IRAK1BP1: variants seen among roughly 807,000 people sequenced by gnomAD.
IRAK1BP1 encodes the protein interleukin 1 receptor associated kinase 1 binding protein 1.
IRAK1BP1 carries 24 observed loss-of-function variants against 28.0 expected under a neutral mutation model. The observed-to-expected ratio is 0.86, with a 90% CI of 0.62 to 1.20. The LOEUF is 1.20. Ranked by LOEUF, IRAK1BP1 falls within the 50% of genes most tolerant of loss-of-function variation. The pLI, the probability that IRAK1BP1 is intolerant of heterozygous loss-of-function variation, is 0.00. For missense variants in IRAK1BP1, 336 were observed against 316.7 expected (o/e 1.06, Z -0.46); for synonymous variants, 131 against 116.3 (o/e 1.13, Z -0.81).
chr6:78,942,025 A>C (rs887680865), intron 4 of IRAK1BP1, among the ~76,000 whole-genome samples: 4 of 152,020 alleles, frequency 2.6e-5, no homozygotes, highest in Non-Finnish European at 2.9e-5. Context: ...CCAGTAACTA[A>C]CTCTCTTTCC....
chr6:78,955,507 T>C, the IRAK1BP1 span: 1 of 562,150 alleles, frequency 1.8e-6, no homozygotes, highest in Non-Finnish European at 3.2e-6. Flanking sequence ...TTAACTACAC[T>C]AGACAAAAAA....
chr6:78,970,739 A>G, the IRAK1BP1 span: 1 of 1,269,470 alleles, frequency 7.9e-7, no homozygotes, highest in Non-Finnish European at 1.1e-6. Context: ...AAATTCCATA[A>G]TTGTATTTTT....
intron 4 of IRAK1BP1, among the ~76,000 whole-genome samples, chr6:78,944,203 A>C (rs1312600355): frequency 6.6e-6 from 1 of 152,124 alleles, no homozygotes; most frequent in African/African-American, 2.4e-5. Flanking sequence ...AAAGAGAGAA[A>C]GAAGGTAAAA....
chr6:78,920,985 G>T (rs988479098), intron 4 of IRAK1BP1, among the ~76,000 whole-genome samples: 1 of 152,158 alleles, frequency 6.6e-6, no homozygotes, highest in Non-Finnish European at 1.5e-5. Context: ...CCGGTCTACA[G>T]CTCCTAGTGT....
intron 2 of IRAK1BP1, among the ~76,000 whole-genome samples, chr6:78,885,937 C>G (rs1771417405): frequency 6.6e-6 from 1 of 152,186 alleles, no homozygotes; most frequent in Non-Finnish European, 1.5e-5. Context: ...GTTCCTGCAA[C>G]TGCCTATGCT....
At chr6:78,917,680 G>T (rs1382899698) in intron 4 of IRAK1BP1, among the ~76,000 whole-genome samples, 2 of 142,688 alleles carry the variant, frequency 1.4e-5, no homozygotes, top group African/African-American at 2.6e-5. Context: ...TACTGAAAAA[G>T]GTCAGATACA....
intron 1 of IRAK1BP1, among the ~76,000 whole-genome samples, chr6:78,881,358 C>A (rs1053914184): frequency 6.6e-6 from 1 of 152,216 alleles, no homozygotes; most frequent in Admixed American, 6.5e-5. Context: ...GGTTAACAAT[C>A]TGTTGGAGGG....
chr6:78,876,878 G>A (rs1262501872), intron 1 of IRAK1BP1, among the ~76,000 whole-genome samples: 1 of 152,134 alleles, frequency 6.6e-6, no homozygotes, highest in Non-Finnish European at 1.5e-5. Context: ...GAGAACCACT[G>A]CCCTATAGAT....
chr6:78,935,780 G>A (rs1179903485), intron 4 of IRAK1BP1: 13 of 982,606 alleles, frequency 1.3e-5, no homozygotes, highest in African/African-American at 5.2e-5. Flanking sequence ...ACTTTGGTAA[G>A]CAGCTTGTTG....
intron 4 of IRAK1BP1, among the ~76,000 whole-genome samples, chr6:78,920,723 C>G (rs1299095273): frequency 6.6e-6 from 1 of 152,028 alleles, no homozygotes; most frequent in Non-Finnish European, 1.5e-5. Flanking sequence ...GAGATGGGCC[C>G]TGTTAAAGAT....
At chr6:78,965,574 A>G in the IRAK1BP1 span, 34 of 613,358 alleles carry the variant, frequency 5.5e-5, no homozygotes, top group African/African-American at 5.5e-4. Context: ...ACAATAATAA[A>G]TATTTGCCAA....
intron 1 of IRAK1BP1, among the ~76,000 whole-genome samples, chr6:78,882,843 T>G (rs1562079859): frequency 6.6e-6 from 1 of 152,236 alleles, no homozygotes; most frequent in Admixed American, 6.5e-5. Context: ...CTTTTTAGTT[T>G]AGACAGATGT....
chr6:78,879,462 A>G (rs1017239740), intron 1 of IRAK1BP1, among the ~76,000 whole-genome samples: 2 of 152,166 alleles, frequency 1.3e-5, no homozygotes, highest in Admixed American at 6.5e-5. Context: ...AAGCAATTCG[A>G]TAAAGAAAGG....
At chr6:78,974,256 C>T in the IRAK1BP1 span, among the ~76,000 whole-genome samples, 1 of 152,034 alleles carries the variant, frequency 6.6e-6, no homozygotes, top group Non-Finnish European at 1.5e-5. Flanking sequence ...GGAAACTGAA[C>T]AACCTGCTCC....
the IRAK1BP1 span, among the ~76,000 whole-genome samples, chr6:78,969,286 T>A: frequency 6.6e-6 from 1 of 152,178 alleles, no homozygotes; most frequent in Non-Finnish European, 1.5e-5. Context: ...ACATACCGTG[T>A]ACACATCATA....
the IRAK1BP1 span, chr6:78,965,888 G>T: frequency 7.6e-7 from 1 of 1,313,348 alleles, no homozygotes; most frequent in Non-Finnish European, 1.1e-6. Flanking sequence ...TTAATAGATG[G>T]AAAAAAAAAT....
At chr6:78,874,540 A>T (rs1262811415) in intron 1 of IRAK1BP1, among the ~76,000 whole-genome samples, 1 of 152,170 alleles carries the variant, frequency 6.6e-6, no homozygotes, top group Admixed American at 6.5e-5. Context: ...TTATCTTCAT[A>T]AAGCATTTGT....
At chr6:78,882,362 G>T (rs1771260684) in intron 1 of IRAK1BP1, among the ~76,000 whole-genome samples, 1 of 152,138 alleles carries the variant, frequency 6.6e-6, no homozygotes, top group South Asian at 2.1e-4. Flanking sequence ...AGTGAGTGTG[G>T]GCTGCACTTA....
At chr6:78,927,641 T>C (rs944042174) in intron 4 of IRAK1BP1, among the ~76,000 whole-genome samples, 2 of 152,190 alleles carry the variant, frequency 1.3e-5, no homozygotes, top group African/African-American at 4.8e-5. Context: ...CCCTCATGTT[T>C]TCTTGTAGTA....
Sources: gnomAD v4.1 joint callset for allele counts (sites outside exome capture counted in the v4.1 genomes callset) on GRCh38, gnomAD v4.1.1 for gene constraint, MANE v1.5 for transcripts, NCBI Gene and HGNC (gene_info 2026-07-23, HGNC 2026-07-21) for gene names.